The following GALC variants were observed in gnomAD, a reference collection of about 807,000 sequenced individuals.
GALC encodes galactocerebrosidase.
GALC carries 77 observed loss-of-function variants against 91.8 expected under a neutral mutation model. That is an observed-to-expected ratio of 0.84 (90% CI 0.70 to 1.01). The LOEUF is 1.01. Among genes scored for constraint, GALC ranks in the 50% least tolerant of loss-of-function variants. The pLI is 0.00. For synonymous variants in GALC, 357 were observed against 306.7 expected (o/e 1.16, Z -1.71); for missense variants, 882 against 855.9 (o/e 1.03, Z -0.38).
intron 6 of GALC, among the ~76,000 whole-genome samples, chr14:87,978,411 T>G (rs1321126274): frequency 1.3e-5 from 2 of 152,200 alleles, no homozygotes; most frequent in Non-Finnish European, 2.9e-5. Context: ...TCACTACGGA[T>G]GGATCTAGTC....
intron 7 of GALC, among the ~76,000 whole-genome samples, chr14:87,970,198 C>T (rs1029594425): frequency 1.3e-5 from 2 of 152,070 alleles, no homozygotes; most frequent in African/African-American, 4.8e-5. Flanking sequence ...TAATACTCAT[C>T]TAGTTGTCAT....
chr14:87,986,741 T>A, intron 3 of GALC, 139 bp from the exon 4 acceptor site: 1 of 679,164 alleles, frequency 1.5e-6, no homozygotes, highest in Admixed American at 2.1e-5. Context: ...GGGGAAATCA[T>A]AATCTTACAC....
In GALC at chr14:87,993,069, C is replaced by A. The variant is rs113719127; in HGVS notation, c.96G>T (p.Leu32=). Residue 32 remains leucine (L), a synonymous_variant, in exon 1 of 17, where the codon CTG becomes CTT. Transcript: ENST00000261304. ...CGCCGGGCGCCAGCAGCGCACACAG[C>A]AGCAAGGGCACCGCGGCGCGGCCCG... is the stretch of plus-strand genomic sequence containing the variant. ...GSAGRAAVPL[L]LCALLAPGGA... is the part of the protein sequence containing the mutation. The A allele has an allele frequency of 8.3e-4, 1,307 of 1,578,106 alleles. 8 individuals carry two copies. In the African/African-American group the frequency reaches 0.011, roughly 13 times the overall value.
At chr14:87,982,082 A>T (rs866404773) in intron 6 of GALC, 123 bp downstream of exon 6, 15 of 549,074 alleles carry the variant, frequency 2.7e-5, no homozygotes, top group African/African-American at 1.8e-4. Context: ...AGCAAAATAA[A>T]TAACTGTAGT....
At chr14:87,939,659 T>TA (rs1190445445) in intron 16 of GALC, among the ~76,000 whole-genome samples, 1 of 151,872 alleles carries the variant, frequency 6.6e-6, no homozygotes, top group Non-Finnish European at 1.5e-5. Context: ...TGCCTCAGTT[T>TA]AAAAAACAAA....
At chr14:87,953,361 C>A in intron 10 of GALC, 1 of 1,418,636 alleles carries the variant, frequency 7.0e-7, no homozygotes, top group Non-Finnish European at 9.9e-7. Context: ...AAGAGAATTC[C>A]ATTCAACTTG....
In GALC at chr14:87,965,649, A is replaced by G. The variant is rs747958382; in HGVS notation, c.909-20T>C. On this transcript the variant is annotated intron_variant, in intron 8 of 16. Coordinates refer to ENST00000261304, the MANE Select transcript of GALC (RefSeq NM_000153.4). ...ATTGTGCTAAAAGATTTGATAAAAAAGAAACACCAAGACAACTTGTGATAA... is the reference window on the plus strand; with the variant it reads ...ATTGTGCTAAAAGATTTGATAAAAAGGAAACACCAAGACAACTTGTGATAA... 1 of 1,612,366 alleles carries G rather than the reference A, an allele frequency of 6.2e-7. No individual in the cohort carries two copies. Among genetic ancestry groups the G allele is most frequent in the South Asian group, 1.1e-5 (1 of 91,044 alleles).
intron 16 of GALC, among the ~76,000 whole-genome samples, chr14:87,936,916 A>ATATATATATATATATATATATAT (rs1431339979): frequency 7.2e-6 from 1 of 139,572 alleles, no homozygotes; most frequent in African/African-American, 2.8e-5. Flanking sequence ...ATATATATTT[A>ATATATATATATATATATATATAT]TTTATTTTCT....
chr14:87,954,053 A>T (rs1352909565), intron 10 of GALC: 2 of 1,609,776 alleles, frequency 1.2e-6, no homozygotes, highest in Non-Finnish European at 1.7e-6. Flanking sequence ...GCGAGACAGT[A>T]CTACAATCAA....
intron 5 of GALC, among the ~76,000 whole-genome samples, chr14:87,982,647 A>G (rs1406132072): frequency 1.3e-5 from 2 of 152,198 alleles, no homozygotes; most frequent in African/African-American, 4.8e-5. Context: ...ATTAATATGT[A>G]TACTGTATAG....
At chr14:87,968,808 AGGAT>A (rs1339082900) in intron 7 of GALC, among the ~76,000 whole-genome samples, 1 of 152,194 alleles carries the variant, frequency 6.6e-6, no homozygotes. Context: ...AGCATGTTGA[AGGAT>A]GGAGGTAGCA....
chr14:87,985,783 T>C (rs528165213), intron 4 of GALC, among the ~76,000 whole-genome samples: 5 of 152,346 alleles, frequency 3.3e-5, no homozygotes, highest in Non-Finnish European at 7.3e-5. Context: ...TCACTCTTGA[T>C]GTTTGAAATA....
rs76416515 is a variant in GALC, at chr14:87,967,387, C to T, written c.908+948G>A. Reference sequence around the variant, plus strand: ...AATTCTCTGCCATGAAGATGCCTTACCTTTAAGACCAAATTAAGTTATAAC... The same window carrying T: ...AATTCTCTGCCATGAAGATGCCTTATCTTTAAGACCAAATTAAGTTATAAC... On this transcript the variant is annotated intron_variant, in intron 8 of 16. Transcript: ENST00000261304. 7.1e-3 allele frequency among the ~76,000 whole-genome samples: 1,082 copies of T among 152,238 alleles called. 16 individuals are homozygous for T. The highest frequency in any genetic ancestry group is 0.044 in the East Asian group (227 of 5,178).
chr14:87,955,988 T>TA lies in GALC; in HGVS notation c.1162-5241dup, dbSNP rs537861698. 4.1e-4 allele frequency among the ~76,000 whole-genome samples: 61 copies of TA among 148,138 alleles called. No homozygotes were observed. In the South Asian group the frequency reaches 9.4e-3, roughly 23 times the overall value. ...GAAATGAAAAAAAAAAGTGACAGTT[T>TA]AAAAAAAAAAATCTCCTGTGGTCAG... On this transcript the variant is annotated intron_variant, in intron 10 of 16. Transcript: ENST00000261304.
At chr14:87,971,667 AAAT>A (rs1424957076) in intron 7 of GALC, among the ~76,000 whole-genome samples, 1 of 152,206 alleles carries the variant, frequency 6.6e-6, no homozygotes, top group Non-Finnish European at 1.5e-5. Flanking sequence ...AAACAATTGT[AAAT>A]AATATTTTTA....
chr14:87,972,752 CATAA>C (rs148492544), intron 7 of GALC, among the ~76,000 whole-genome samples: 17,121 of 151,766 alleles, frequency 0.11, 1,109 homozygotes, highest in Non-Finnish European at 0.16. Flanking sequence ...TAATAGAAAA[CATAA>C]ATAAAGAGAT....
intron 10 of GALC, among the ~76,000 whole-genome samples, chr14:87,956,560 CATATAT>C (rs557652790): frequency 7.6e-6 from 1 of 131,474 alleles, no homozygotes; most frequent in South Asian, 2.3e-4. Flanking sequence ...ATACACGCAC[CATATAT>C]ATATATATAC....
chr14:87,984,248 T>C lies in GALC; in HGVS notation c.582+146A>G, dbSNP rs546198266. 123 of 753,602 alleles carry C rather than the reference T, an allele frequency of 1.6e-4. 2 individuals carry two copies. In the South Asian group the frequency reaches 2.3e-3, roughly 14 times the overall value. 46.7% of individuals were successfully genotyped at this position (753,602 alleles called of 1,614,324 possible). On this transcript the variant is annotated intron_variant, in intron 5 of 16. Transcript: ENST00000261304. Reference sequence around the variant, plus strand: ...GGGAGCAATTAAAGGTCACAGGTACTTAGTTTGTGTTATTATCAGACACCA... The same window carrying C: ...GGGAGCAATTAAAGGTCACAGGTACCTAGTTTGTGTTATTATCAGACACCA...
At chr14:87,949,593 A>G (rs1214645482) in intron 12 of GALC, among the ~76,000 whole-genome samples, 1 of 152,024 alleles carries the variant, frequency 6.6e-6, no homozygotes, top group Non-Finnish European at 1.5e-5. Context: ...AACTGTCTAT[A>G]CTTGACCACT....
Sources: gnomAD v4.1 joint callset for allele counts (sites outside exome capture counted in the v4.1 genomes callset) on GRCh38, gnomAD v4.1.1 for gene constraint, MANE v1.5 for transcripts, NCBI Gene and HGNC (gene_info 2026-07-23, HGNC 2026-07-21) for gene names.